VMP1: variants seen among roughly 807,000 people sequenced by gnomAD.
The protein encoded by VMP1 is vacuole membrane protein 1.
Under a neutral mutation model 56.0 loss-of-function variants are expected in VMP1, and 11 were observed. The observed-to-expected ratio is 0.20, with a 90% CI of 0.12 to 0.32. The LOEUF is 0.32. VMP1 is among the 10% of genes least tolerant of loss of function. The pLI is 1.00. For synonymous variants in VMP1, 149 were observed against 165.0 expected (o/e 0.90, Z 0.74); for missense variants, 296 against 490.3 (o/e 0.60, Z 3.74).
chr17:59,773,877 T>C lies in VMP1; in HGVS notation c.706T>C (p.Ser236Pro), dbSNP rs1196996772. 1.2e-6 allele frequency: 2 copies of C among 1,610,870 alleles called. No homozygotes were observed. The highest frequency in any genetic ancestry group is 1.7e-6 in the Non-Finnish European group (2 of 1,178,820). ...EFEEMLEHAESAQDFASRAKL... is the reference protein window; with the variant it reads ...EFEEMLEHAEPAQDFASRAKL... ...TGAAGAGATGCTGGAACATGCAGAG[T>C]CTGCACAAGTAAGAACAGTGGGGAT... The change falls in exon 7 of 12, where the codon TCT becomes CCT. Residue 236 changes from serine (S) to proline (P), a missense_variant. Physicochemically the swap from Ser to Pro is moderately conservative, Grantham distance 74. Transcript: ENST00000262291.
intron 1 of VMP1, among the ~76,000 whole-genome samples, chr17:59,724,969 AAAAAAAACAAAAAC>A (rs2034544329): frequency 6.9e-6 from 1 of 145,004 alleles, no homozygotes; most frequent in African/African-American, 2.6e-5. Context: ...CTGTCTCAAA[AAAAAAAACAAAAAC>A]AAAAAACAAA....
intron 5 of VMP1, among the ~76,000 whole-genome samples, chr17:59,755,046 C>T (rs1164134423): frequency 7.6e-6 from 1 of 131,450 alleles, no homozygotes; most frequent in Non-Finnish European, 1.5e-5. Context: ...CTTAAGTCAA[C>T]TGTATGATCA....
intron 1 of VMP1, among the ~76,000 whole-genome samples, chr17:59,718,968 C>T (rs2034283271): frequency 6.6e-6 from 1 of 152,060 alleles, no homozygotes; most frequent in African/African-American, 2.4e-5. Context: ...CACAGATAGA[C>T]ATATCAGATG....
chr17:59,708,686 T>G (rs1322846309), intron 1 of VMP1, among the ~76,000 whole-genome samples: 1 of 152,250 alleles, frequency 6.6e-6, no homozygotes, highest in Non-Finnish European at 1.5e-5. Flanking sequence ...GGTGTTGTCA[T>G]GATAGAATTT....
intron 9 of VMP1, among the ~76,000 whole-genome samples, chr17:59,814,045 A>T (rs945756533): frequency 6.6e-6 from 1 of 152,022 alleles, no homozygotes; most frequent in African/African-American, 2.4e-5. Context: ...TGGTGGCGTG[A>T]TTTCAGCTCA....
At chr17:59,715,030 A>G (rs2034099044) in intron 1 of VMP1, among the ~76,000 whole-genome samples, 1 of 152,056 alleles carries the variant, frequency 6.6e-6, no homozygotes, top group African/African-American at 2.4e-5. Flanking sequence ...CTATCCTTTT[A>G]CCAATATCAC....
In VMP1 at chr17:59,755,138, C is replaced by G. The variant is rs372615589; in HGVS notation, c.415-9833C>G. ...TTTCTTTTTTTTTTAGACGGAGACT[C>G]ACTCTGTCTCCCAGGCTGGAGTGCA... On this transcript the variant is annotated intron_variant, in intron 5 of 11. Transcript: ENST00000262291. Among the ~76,000 whole-genome samples the G allele has an allele frequency of 5.3e-5, 8 of 151,452 alleles. No homozygotes were observed. The South Asian group carries it at 1.7e-3, about 32-fold the overall frequency.
rs1184831949 is a variant in VMP1 at position 59,839,974 on chromosome 17, T to C, written c.*63T>C. On this transcript the variant is annotated 3_prime_UTR_variant, in exon 12 of 12. Transcript: ENST00000262291. ...GGGTTCTGCCTTAAATTGGGAGGAC[T>C]CCAAGCCGGGAAGGAAAATTCCCTT... 6.4e-7 allele frequency: 1 copy of C among 1,570,712 alleles called. No individual in the cohort carries two copies. Among genetic ancestry groups the C allele is most frequent in the African/African-American group, 1.4e-5 (1 of 72,124 alleles).
chr17:59,746,370 C>T (rs2143875907), intron 5 of VMP1, among the ~76,000 whole-genome samples: 1 of 152,250 alleles, frequency 6.6e-6, no homozygotes, highest in East Asian at 1.9e-4. Context: ...CAGGATTTTG[C>T]CATGTTGGCC....
intron 5 of VMP1, among the ~76,000 whole-genome samples, chr17:59,760,135 G>GA (rs1226799485): frequency 3.6e-5 from 5 of 140,484 alleles, no homozygotes; most frequent in Non-Finnish European, 6.2e-5. Flanking sequence ...AAAAAAAAAA[G>GA]AAAAAAAAAA....
At chr17:59,716,950 T>G (rs991960367) in intron 1 of VMP1, among the ~76,000 whole-genome samples, 2 of 152,186 alleles carry the variant, frequency 1.3e-5, no homozygotes, top group African/African-American at 4.8e-5. Flanking sequence ...TCTTAATTCT[T>G]GACCTTACTC....
At chr17:59,824,872 CAAAA>C (rs1204824277) in intron 10 of VMP1, among the ~76,000 whole-genome samples, 1 of 62,996 alleles carries the variant, frequency 1.6e-5, no homozygotes. Context: ...GACTCCGTCT[CAAAA>C]AAAAAAAAAA....
At chr17:59,783,312 G>A (rs922420845) in intron 7 of VMP1, among the ~76,000 whole-genome samples, 1 of 152,172 alleles carries the variant, frequency 6.6e-6, no homozygotes, top group African/African-American at 2.4e-5. Context: ...GATGATTAAA[G>A]CATTTATTTG....
intron 5 of VMP1, among the ~76,000 whole-genome samples, chr17:59,744,297 C>G (rs1438479533): frequency 6.6e-6 from 1 of 151,054 alleles, no homozygotes; most frequent in Non-Finnish European, 1.5e-5. Flanking sequence ...CCCGTCTCTA[C>G]TAAAAACACA....
rs2038656730 is a variant in VMP1 at position 59,826,733 on chromosome 17, C to T, written c.974+8960C>T. Among the ~76,000 whole-genome samples the T allele has an allele frequency of 2.0e-5, 3 of 152,126 alleles. No individual in the cohort carries two copies. In the South Asian group the frequency reaches 6.2e-4, roughly 31 times the overall value. On this transcript the variant is annotated intron_variant, in intron 10 of 11. Coordinates refer to ENST00000262291, the MANE Select transcript of VMP1 (RefSeq NM_030938.5). ...TGATAAGAGATGATTGAGATAGGAT[C>T]AATTCTGGAGTGGATTGATTATCCT...
chr17:59,758,302 G>A (rs942075424), intron 5 of VMP1, among the ~76,000 whole-genome samples: 1 of 152,132 alleles, frequency 6.6e-6, no homozygotes, highest in Non-Finnish European at 1.5e-5. Context: ...CTCTTGCTGG[G>A]TGGTATTTTC....
chr17:59,783,153 G>A (rs139157516), intron 7 of VMP1, among the ~76,000 whole-genome samples: 2,035 of 152,136 alleles, frequency 0.013, 38 homozygotes, highest in African/African-American at 0.046. Flanking sequence ...TCAAGATCGC[G>A]CCACTGCAAT....
intron 3 of VMP1, among the ~76,000 whole-genome samples, chr17:59,737,116 A>C (rs1270556931): frequency 6.6e-6 from 1 of 152,232 alleles, no homozygotes; most frequent in Non-Finnish European, 1.5e-5. Flanking sequence ...CTGAAAGTGC[A>C]ACATGAAGGG....
intron 7 of VMP1, among the ~76,000 whole-genome samples, chr17:59,795,228 G>A (rs1210090624): frequency 6.6e-6 from 1 of 151,986 alleles, no homozygotes; most frequent in Non-Finnish European, 1.5e-5. Context: ...GCCCACCTCA[G>A]CCTCCCAAAG....
Sources: allele counts gnomAD v4.1 joint callset (sites outside exome capture counted in the v4.1 genomes callset), GRCh38; gene constraint gnomAD v4.1.1; transcripts MANE v1.5; gene names NCBI Gene and HGNC (gene_info 2026-07-23, HGNC 2026-07-21).